NPEPL1: variants seen among roughly 807,000 people sequenced by gnomAD.
The protein encoded by NPEPL1 is probable aminopeptidase NPEPL1.
Under a neutral mutation model 52.4 loss-of-function variants are expected in NPEPL1, and 45 were observed. The ratio of observed to expected loss-of-function variants is 0.86; its 90% CI spans 0.68 to 1.10. The LOEUF (loss-of-function observed/expected upper bound fraction) is 1.10, where lower values mean the gene tolerates loss of function less well. Among genes scored for constraint, NPEPL1 ranks in the 50% least tolerant of loss-of-function variants. The probability of loss-of-function intolerance (pLI) is 0.00; values close to 1 mark genes in which losing one functional copy is unlikely to be tolerated. For missense variants in NPEPL1, 696 were observed against 710.9 expected, an observed-to-expected ratio of 0.98 and a Z score of 0.24; for synonymous variants, 360 against 314.7, an observed-to-expected ratio of 1.14 and a Z score of -1.52.
intron 6 of NPEPL1, among the ~76,000 whole-genome samples, chr20:58,701,986 C>A (rs2084635783): frequency 6.6e-6 from 1 of 152,224 alleles, no homozygotes; most frequent in South Asian, 2.1e-4. Flanking sequence ...ATCCTACACA[C>A]CGTGTGAGCA....
chr20:58,693,249 C>A, intron 1 of NPEPL1, 199 bp downstream of exon 1: 1 of 235,282 alleles, frequency 4.3e-6, no homozygotes, highest in Non-Finnish European at 6.9e-6. Context: ...GTCGCCGGTG[C>A]GGCGCGGTGG....
rs1046870385 is a variant in NPEPL1 at position 58,713,631 on chromosome 20, G to A, written c.1125+88G>A. 4 of 1,431,050 alleles carry A rather than the reference G, an allele frequency of 2.8e-6. No homozygotes were observed. In the African/African-American group the frequency reaches 5.7e-5, roughly 20 times the overall value. The allele number at this position is 1,431,050 out of a possible 1,614,324, so 88.6% of individuals were successfully genotyped here. ...CTCAAGGTGGGGAAGGCAGCGCGTG[G>A]GGGCTGCCGTCAGGAAGTTTTCATA... On this transcript the variant is annotated intron_variant, in intron 9 of 11. Transcript: ENST00000356091. This position sits in a 1 kb window ranked among gnomAD's most constrained non-coding sequence, Gnocchi z 4.6.
rs1208310337 is a variant in NPEPL1 at position 58,714,580 on chromosome 20, C to T, written c.1323C>T (p.Ser441=). Residue 441 remains serine, a synonymous_variant, in exon 11 of 12, where the codon AGC becomes AGT. Coordinates refer to ENST00000356091, the MANE Select transcript of NPEPL1 (RefSeq NM_024663.4). ...CCTAGGACCGAGACAACAGCCCCAG[C>T]TCCTGTGCTGGCCTCTTCATCGCCT... ...NSVADRDNSP[S]SCAGLFIASH... The T allele has an allele frequency of 5.0e-6, 8 of 1,589,010 alleles. No individual in the cohort carries two copies. The African/African-American group carries it at 6.7e-5, about 13-fold the overall frequency.
chr20:58,701,957 G>A (rs1050775066), intron 6 of NPEPL1, among the ~76,000 whole-genome samples: 7 of 152,146 alleles, frequency 4.6e-5, no homozygotes, highest in Admixed American at 6.5e-5. Context: ...GCCCTCCTCC[G>A]CACCATCTCC....
At chr20:58,703,296 TTCAA>T (rs2084670883) in intron 6 of NPEPL1, 1 of 224,470 alleles carries the variant, frequency 4.5e-6, no homozygotes, top group Admixed American at 6.5e-5. Flanking sequence ...TTTTTTAAAC[TTCAA>T]TCAACAACAG....
chr20:58,691,724 G>A, upstream of NPEPL1: 1 of 710,900 alleles, frequency 1.4e-6, no homozygotes, highest in Non-Finnish European at 2.2e-6. Flanking sequence ...TCATTTTTAG[G>A]CTGGTTATGA....
intron 6 of NPEPL1, among the ~76,000 whole-genome samples, chr20:58,706,919 G>C (rs1336926740): frequency 6.6e-6 from 1 of 152,144 alleles, no homozygotes; most frequent in Non-Finnish European, 1.5e-5. Flanking sequence ...ATGACTCCCT[G>C]TTGCTTCTGG....
At position 58,714,573 on chromosome 20, in the gene NPEPL1, G is replaced by A. The variant is rs754948783; in HGVS notation, c.1316G>A (p.Ser439Asn). The A allele has an allele frequency of 2.5e-6, 4 of 1,584,846 alleles. No homozygotes were observed. Among genetic ancestry groups the A allele is most frequent in the East Asian group, 2.3e-5 (1 of 43,566 alleles). The change falls in exon 11 of 12, where the codon AGC becomes AAC. Residue 439 changes from serine (S) to asparagine (N), a missense_variant. Coordinates refer to ENST00000356091, the MANE Select transcript of NPEPL1 (RefSeq NM_024663.4). ...MKNSVADRDN[S>N]PSSCAGLFIA... ...TGGCCTCCCTAGGACCGAGACAACA[G>A]CCCCAGCTCCTGTGCTGGCCTCTTC... is the stretch of plus-strand genomic sequence containing the variant.
upstream of NPEPL1, chr20:58,692,112 G>T: frequency 2.2e-6 from 1 of 450,980 alleles, no homozygotes; most frequent in Non-Finnish European, 4.0e-6. The surrounding 1 kb of genome is among the most constrained non-coding windows in gnomAD (Gnocchi z 5.7). Context: ...TTCTTGCAAA[G>T]GGGTGGGCGG....
rs546809011 is a variant in NPEPL1, at chr20:58,710,597, G to A, written c.901-1882G>A. 7.2e-5 allele frequency among the ~76,000 whole-genome samples: 11 copies of A among 152,154 alleles called. No individual in the cohort carries two copies. In the South Asian group the frequency reaches 8.3e-4, roughly 11 times the overall value. ...GCGTAGCACTGGAGACCCTTCCCAC[G>A]CTGTCGCTGAAGCACTCACAGTCCA... is the stretch of plus-strand genomic sequence containing the variant. On this transcript the variant is annotated intron_variant, in intron 7 of 11. Transcript: ENST00000356091.
chr20:58,705,389 C>A, intron 6 of NPEPL1: 1 of 444,174 alleles, frequency 2.3e-6, no homozygotes, highest in South Asian at 1.6e-5. Flanking sequence ...ATGAGTCACA[C>A]GGAATATGGA....
In NPEPL1 at chr20:58,701,039, G is replaced by A. The variant is rs62639982; in HGVS notation, c.703G>A (p.Ala235Thr). The A allele has an allele frequency of 1.7e-5, 27 of 1,592,908 alleles. No individual in the cohort carries two copies. Among genetic ancestry groups the A allele is most frequent in the East Asian group, 4.6e-5 (2 of 43,240 alleles). ...AGGAATCTATGGGGTTGGCAAAGCC[G>A]CCCTGCATCCCCCAGCCCTGGCCGT... Reference protein sequence around the residue: ...FGGIYGVGKAALHPPALAVLS... With the variant: ...FGGIYGVGKATLHPPALAVLS... Residue 235 changes from alanine (A) to threonine (T), a missense_variant, in exon 6 of 12, where the codon GCC (alanine) becomes ACC (threonine). Physicochemically the swap from Ala to Thr is moderately conservative, Grantham distance 58. Transcript: ENST00000356091.
intron 5 of NPEPL1, among the ~76,000 whole-genome samples, chr20:58,700,035 C>T (rs1182396701): frequency 6.6e-6 from 1 of 152,246 alleles, no homozygotes; most frequent in Non-Finnish European, 1.5e-5. Context: ...TGCTTCCGGG[C>T]AGGCTCACAA....
At chr20:58,714,170 G>T (rs889941879) in intron 10 of NPEPL1, 77 bp downstream of exon 10, 1 of 1,463,614 alleles carries the variant, frequency 6.8e-7, no homozygotes. Context: ...TCAGGGTGCT[G>T]GTGCACCCAG....
At chr20:58,693,454 GCC>G (rs141884493) in intron 1 of NPEPL1, 8,565 of 346,258 alleles carry the variant, frequency 0.025, 548 homozygotes, top group African/African-American at 0.15. Context: ...TCTGGTGGAA[GCC>G]GCCTAAGCCC....
At chr20:58,702,558 AT>A (rs2084654479) in intron 6 of NPEPL1, among the ~76,000 whole-genome samples, 1 of 152,176 alleles carries the variant, frequency 6.6e-6, no homozygotes, top group Non-Finnish European at 1.5e-5. Context: ...TAGAAAAAAC[AT>A]GCCTCCCTAT....
intron 7 of NPEPL1, among the ~76,000 whole-genome samples, chr20:58,707,922 A>G (rs1367115459): frequency 6.6e-6 from 1 of 152,208 alleles, no homozygotes; most frequent in Non-Finnish European, 1.5e-5. Flanking sequence ...CTATAAAAAA[A>G]AATTTAAAAA....
In NPEPL1 at chr20:58,699,246, G is replaced by C. The variant is rs748817703; in HGVS notation, c.647G>C (p.Arg216Pro). The C allele has an allele frequency of 1.2e-6, 2 of 1,607,432 alleles. No homozygotes were observed. The highest frequency in any genetic ancestry group is 2.2e-5 in the East Asian group (1 of 44,658). ...CTGGGGATCATCCCAACCATCATCC[G>C]GGATGAGGAACTGAAGACGAGAGGA... ...KELGIIPTII[R>P]DEELKTRGFG... The change falls in exon 5 of 12, where the codon CGG (arginine) becomes CCG (proline). Residue 216 changes from arginine to proline, a missense_variant. By Grantham distance (103) the Arg-to-Pro change is moderately radical (BLOSUM62 -2). Coordinates refer to ENST00000356091, the MANE Select transcript of NPEPL1 (RefSeq NM_024663.4).
chr20:58,703,890 C>T, intron 6 of NPEPL1: 9 of 985,312 alleles, frequency 9.1e-6, no homozygotes, highest in Non-Finnish European at 9.6e-6. Context: ...GACTATAGCC[C>T]CTGCCTATTC....
Sources: allele counts gnomAD v4.1 joint callset (sites outside exome capture counted in the v4.1 genomes callset), GRCh38; gene constraint gnomAD v4.1.1; non-coding constraint Gnocchi (gnomAD v3.1); transcripts MANE v1.5; gene names NCBI Gene and HGNC (gene_info 2026-07-23, HGNC 2026-07-21).